Variants in NOX4 observed in about 807,000 individuals in gnomAD.
The protein encoded by NOX4 is NADPH oxidase 4, also known as kidney oxidase-1.
A neutral mutation model predicts 87.6 loss-of-function variants in NOX4; 69 were observed. The ratio of observed to expected loss-of-function variants is 0.79; its 90% CI spans 0.65 to 0.96. The LOEUF (loss-of-function observed/expected upper bound fraction) is 0.96. Among genes scored for constraint, NOX4 ranks in the 40% least tolerant of loss-of-function variants. The probability of loss-of-function intolerance (pLI) is 0.00; values close to 1 mark genes in which losing one functional copy is unlikely to be tolerated. For missense variants in NOX4, 680 were observed against 681.5 expected, an observed-to-expected ratio of 1.00 and a Z score of 0.02; for synonymous variants, 275 against 238.2, an observed-to-expected ratio of 1.15 and a Z score of -1.42.
intron 2 of NOX4, 104 bp from the exon 3 acceptor site, chr11:89,451,999 T>C: frequency 2.8e-6 from 2 of 713,946 alleles, no homozygotes; most frequent in African/African-American, 1.8e-5. Context: ...TTAAGAATCA[T>C]GCCAAATACC....
chr11:89,458,130 G>A (rs1278940176), intron 2 of NOX4, among the ~76,000 whole-genome samples: 1 of 152,152 alleles, frequency 6.6e-6, no homozygotes, highest in Non-Finnish European at 1.5e-5. Flanking sequence ...AACAAAGCTG[G>A]AGGCCTCACA....
chr11:89,356,553 T>C (rs1275165016), intron 12 of NOX4, among the ~76,000 whole-genome samples: 3 of 152,062 alleles, frequency 2.0e-5, no homozygotes, highest in Non-Finnish European at 2.9e-5. Flanking sequence ...TCTAGAGTCA[T>C]ACCTATGGAA....
chr11:89,348,740 G>A (rs1220273291), intron 13 of NOX4, among the ~76,000 whole-genome samples: 1 of 151,908 alleles, frequency 6.6e-6, no homozygotes, highest in African/African-American at 2.4e-5. Flanking sequence ...AGCCACCTGG[G>A]AGTAATCCCT....
intron 13 of NOX4, among the ~76,000 whole-genome samples, chr11:89,352,499 T>A (rs1261514734): frequency 1.3e-5 from 2 of 152,120 alleles, no homozygotes; most frequent in Non-Finnish European, 2.9e-5. Flanking sequence ...CAATGTAAAT[T>A]TAAAAACATC....
chr11:89,396,159 T>C (rs1181119615), intron 11 of NOX4, among the ~76,000 whole-genome samples: 12 of 152,164 alleles, frequency 7.9e-5, no homozygotes, highest in Non-Finnish European at 1.5e-4. Flanking sequence ...TTCCATTTGT[T>C]TGTGTCCTCT....
the NOX4 span, among the ~76,000 whole-genome samples, chr11:89,572,997 C>A: frequency 6.6e-6 from 1 of 151,698 alleles, no homozygotes; most frequent in East Asian, 1.9e-4. Context: ...GCATTTATTC[C>A]TCTTTTACTA....
the NOX4 span, among the ~76,000 whole-genome samples, chr11:89,537,000 A>G: frequency 6.6e-6 from 1 of 152,218 alleles, no homozygotes; most frequent in Non-Finnish European, 1.5e-5. Flanking sequence ...TCTGAACTAC[A>G]CAAATGGGAT....
chr11:89,526,125 G>T, the NOX4 span, among the ~76,000 whole-genome samples: 1 of 152,138 alleles, frequency 6.6e-6, no homozygotes, highest in Non-Finnish European at 1.5e-5. Flanking sequence ...AAAGCAGCTT[G>T]TATAAGTTCT....
intron 12 of NOX4, among the ~76,000 whole-genome samples, chr11:89,366,150 T>C (rs930824733): frequency 1.3e-5 from 2 of 152,120 alleles, no homozygotes; most frequent in Non-Finnish European, 2.9e-5. Context: ...TGTGGTGTTT[T>C]TGACATTGAT....
At chr11:89,335,034 T>A (rs1262785175) in intron 17 of NOX4, among the ~76,000 whole-genome samples, 2 of 151,798 alleles carry the variant, frequency 1.3e-5, no homozygotes, top group African/African-American at 4.8e-5. Context: ...TGGATATGTT[T>A]AAAGAAATTA....
chr11:89,353,257 A>G (rs574257911), intron 13 of NOX4, among the ~76,000 whole-genome samples: 1 of 152,226 alleles, frequency 6.6e-6, no homozygotes. Context: ...AAACAGCATC[A>G]CATGCTACAG....
intron 11 of NOX4, among the ~76,000 whole-genome samples, chr11:89,386,572 C>T (rs1940714222): frequency 6.6e-6 from 1 of 152,118 alleles, no homozygotes; most frequent in Non-Finnish European, 1.5e-5. Context: ...CACCATCAAT[C>T]TCCCTCACTC....
chr11:89,350,736 T>A (rs1946420548), intron 13 of NOX4, among the ~76,000 whole-genome samples: 1 of 152,176 alleles, frequency 6.6e-6, no homozygotes, highest in Non-Finnish European at 1.5e-5. Flanking sequence ...TTTACAGAAT[T>A]TTTTTTATGT....
chr11:89,367,571 A>G (rs1229209103), intron 12 of NOX4, among the ~76,000 whole-genome samples: 3 of 152,034 alleles, frequency 2.0e-5, no homozygotes, highest in African/African-American at 7.2e-5. Flanking sequence ...GCAATCATAG[A>G]TCACTCCTTT....
chr11:89,381,448 C>G lies in NOX4; in HGVS notation c.1075-7956G>C, dbSNP rs573150277. ...TCCTTCTCCTGGCCCAAAAGCTCCC[C>G]CACTGAGCACTTTGTGACCCCCATC... On this transcript the variant is annotated intron_variant, in intron 11 of 17. Coordinates refer to ENST00000263317, the MANE Select transcript of NOX4 (RefSeq NM_016931.5). 3.0e-4 allele frequency among the ~76,000 whole-genome samples: 45 copies of G among 152,158 alleles called. 1 individual carries two copies. Among genetic ancestry groups the G allele is most frequent in the African/African-American group, 1.1e-3 (44 of 41,502 alleles).
chr11:89,502,046 G>C (rs1296528371), upstream of NOX4, among the ~76,000 whole-genome samples: 1 of 152,028 alleles, frequency 6.6e-6, no homozygotes, highest in Non-Finnish European at 1.5e-5. Context: ...ACCTGAAAGA[G>C]AAGACTATAT....
chr11:89,359,996 G>A (rs1215934667), intron 12 of NOX4, among the ~76,000 whole-genome samples: 4 of 151,502 alleles, frequency 2.6e-5, no homozygotes, highest in Non-Finnish European at 5.9e-5. Context: ...AATCCTTAAG[G>A]GACATTAAAG....
In NOX4 at chr11:89,381,656, C is replaced by T. The variant is rs141301475; in HGVS notation, c.1075-8164G>A. 1.9e-3 allele frequency among the ~76,000 whole-genome samples: 285 copies of T among 151,996 alleles called. 1 individual carries two copies. Among genetic ancestry groups the T allele is most frequent in the African/African-American group, 5.6e-3 (233 of 41,432 alleles). ...CAAAGCCTGTTTGGTGGTCTTTTCACGCTGACATGAGTGAAATTTGGTGCT... is the reference window on the plus strand; with the variant it reads ...CAAAGCCTGTTTGGTGGTCTTTTCATGCTGACATGAGTGAAATTTGGTGCT... On this transcript the variant is annotated intron_variant, in intron 11 of 17. Transcript: ENST00000263317.
At chr11:89,473,660 A>T (rs1175169457) in intron 2 of NOX4, among the ~76,000 whole-genome samples, 1 of 152,060 alleles carries the variant, frequency 6.6e-6, no homozygotes, top group Non-Finnish European at 1.5e-5. Context: ...CCTGAACTCA[A>T]TCCTATTTCT....
Sources: gnomAD v4.1 joint callset for allele counts (sites outside exome capture counted in the v4.1 genomes callset) on GRCh38, gnomAD v4.1.1 for gene constraint, MANE v1.5 for transcripts, NCBI Gene and HGNC (gene_info 2026-07-23, HGNC 2026-07-21) for gene names.